ETS1: variants seen among roughly 807,000 people sequenced by gnomAD.
ETS1 encodes the protein protein C-ets-1.
ETS1 carries 15 observed loss-of-function variants against 58.6 expected under a neutral mutation model. That is an observed-to-expected ratio of 0.26 (90% CI 0.17 to 0.39). The LOEUF is 0.39. Ranked by LOEUF, ETS1 falls within the 10% of genes least tolerant of loss-of-function variation. The pLI is 1.00. For synonymous variants in ETS1, 214 were observed against 218.2 expected (o/e 0.98, Z 0.17); for missense variants, 417 against 610.5 (o/e 0.68, Z 3.34).
At position 128,459,547 on chromosome 11, in the gene ETS1, G is replaced by C. The variant is rs1441748368; in HGVS notation, c.*2814C>G. On this transcript the variant is annotated 3_prime_UTR_variant, in exon 10 of 10. Coordinates refer to ENST00000392668, the MANE Select transcript of ETS1 (RefSeq NM_001143820.2). ...AAAGCCAAAACCAACAAAGGTTAAG[G>C]CATCTCTGGGAAAATAAGGGTTTCA... is the stretch of plus-strand genomic sequence containing the variant. 1.3e-5 allele frequency: 2 copies of C among 152,792 alleles called. No homozygotes were observed. The allele number at this position is 152,792 out of a possible 1,614,324, so 9.5% of individuals were successfully genotyped here.
chr11:128,540,998 T>C (rs1040605865), intron 3 of ETS1, among the ~76,000 whole-genome samples: 5 of 152,234 alleles, frequency 3.3e-5, no homozygotes, highest in African/African-American at 1.2e-4. Flanking sequence ...TCGAGCTCTG[T>C]CCTCATTCTG....
intron 1 of ETS1, among the ~76,000 whole-genome samples, chr11:128,582,496 C>T (rs1195581724): frequency 1.3e-5 from 2 of 152,110 alleles, no homozygotes; most frequent in African/African-American, 4.8e-5. Context: ...ATTAGTAACA[C>T]TACTGTTTTA....
intron 2 of ETS1, among the ~76,000 whole-genome samples, chr11:128,562,251 A>T (rs1864416123): frequency 6.6e-6 from 1 of 152,202 alleles, no homozygotes; most frequent in Non-Finnish European, 1.5e-5. Flanking sequence ...TCTATTAAAA[A>T]TATAAAAATT....
chr11:128,537,706 T>C (rs759022095), intron 3 of ETS1, among the ~76,000 whole-genome samples: 2 of 152,184 alleles, frequency 1.3e-5, no homozygotes, highest in Non-Finnish European at 2.9e-5. Flanking sequence ...AATTGTGCTT[T>C]TTTTTTACCA....
intron 5 of ETS1, 71 bp from the exon 6 acceptor site, chr11:128,486,217 G>T: frequency 2.1e-6 from 2 of 940,710 alleles, no homozygotes; most frequent in Non-Finnish European, 3.4e-6. Context: ...AAGGATCTTG[G>T]ATGCAAAGAC....
chr11:128,480,238 T>C lies in ETS1; in HGVS notation c.1076A>G (p.Asn359Ser), dbSNP rs773626156. The C allele has an allele frequency of 8.1e-6, 13 of 1,613,976 alleles. No homozygotes were observed. The South Asian group carries it at 1.1e-4, about 14-fold the overall frequency. ...KDYVRDRADL[N>S]KDKPVIPAAA... ...AGCAGGAATGACAGGCTTGTCCTTA[T>C]TGAGGTCAGCACGGTCCCGCACATA... The change falls in exon 8 of 10, where the codon AAT (asparagine) becomes AGT (serine). Residue 359 changes from asparagine (N) to serine (S), a missense_variant. Transcript: ENST00000392668.
In ETS1 at chr11:128,484,909, T is replaced by C; in HGVS notation, c.776A>G (p.Gln259Arg). The stretch of plus-strand genomic sequence containing the variant: ...GTAGTCATTCTGCAAGGTGTCTGTC[T>C]GGAGAGGGTCTCGGAGAATGACCGA... ...YPSVILRDPL[Q>R]TDTLQNDYFA... The change falls in exon 7 of 10, where the codon CAG (glutamine) becomes CGG (arginine). Residue 259 changes from glutamine (Q) to arginine (R), a missense_variant. Transcript: ENST00000392668. 1 of 1,614,104 alleles carries C rather than the reference T, an allele frequency of 6.2e-7. No individual in the cohort carries two copies. Among genetic ancestry groups the C allele is most frequent in the African/African-American group, 1.3e-5 (1 of 75,034 alleles).
rs1864253630 is a variant in ETS1 at position 128,552,862 on chromosome 11, GA to G, written c.214+3428del. 3.3e-5 allele frequency among the ~76,000 whole-genome samples: 5 copies of G among 152,322 alleles called. No individual in the cohort carries two copies. In the South Asian group the frequency reaches 8.3e-4, roughly 25 times the overall value. On this transcript the variant is annotated intron_variant, in intron 3 of 9. Transcript: ENST00000392668. ...GTGTATCCAACAGGACTGTGGGTAG[GA>G]ACCAGTCATGACAGTTAATGACGGT...
intron 8 of ETS1, among the ~76,000 whole-genome samples, chr11:128,471,842 T>C (rs1190296186): frequency 1.3e-5 from 2 of 152,246 alleles, no homozygotes; most frequent in African/African-American, 4.8e-5. Context: ...TATAGTCTTT[T>C]CTCAGTAGGA....
At chr11:128,473,266 C>A (rs956272575) in intron 8 of ETS1, among the ~76,000 whole-genome samples, 1 of 152,128 alleles carries the variant, frequency 6.6e-6, no homozygotes, top group Non-Finnish European at 1.5e-5. Context: ...AAGTAAAATG[C>A]GTTGTTCCCT....
chr11:128,509,003 C>A (rs1333463312), intron 3 of ETS1, among the ~76,000 whole-genome samples: 1 of 152,134 alleles, frequency 6.6e-6, no homozygotes, highest in African/African-American at 2.4e-5. Context: ...TGATCAAAGC[C>A]AGGAGAAACC....
At chr11:128,509,681 G>C (rs1863341940) in intron 3 of ETS1, among the ~76,000 whole-genome samples, 1 of 149,974 alleles carries the variant, frequency 6.7e-6, no homozygotes, top group Non-Finnish European at 1.5e-5. Flanking sequence ...ACATCACACA[G>C]AAGAATGTGC....
chr11:128,480,733 G>A (rs1862463003), intron 7 of ETS1, among the ~76,000 whole-genome samples: 4 of 152,138 alleles, frequency 2.6e-5, no homozygotes, highest in African/African-American at 4.8e-5. Context: ...CACATCTGTC[G>A]GAGTAGCGTT....
At chr11:128,512,603 G>C (rs1047387616) in intron 3 of ETS1, among the ~76,000 whole-genome samples, 8 of 152,248 alleles carry the variant, frequency 5.3e-5, no homozygotes, top group Admixed American at 2.6e-4. Flanking sequence ...GTGGTTTCTT[G>C]TCCGGCTCCA....
intron 3 of ETS1, among the ~76,000 whole-genome samples, chr11:128,552,854 G>A (rs1864253531): frequency 6.6e-6 from 1 of 152,236 alleles, no homozygotes; most frequent in Admixed American, 6.5e-5. Context: ...CAACAGGACT[G>A]TGGGTAGGAA....
intron 3 of ETS1, among the ~76,000 whole-genome samples, chr11:128,538,459 C>A (rs942480680): frequency 1.3e-5 from 2 of 152,082 alleles, no homozygotes; most frequent in Non-Finnish European, 2.9e-5. Context: ...ACATAACATG[C>A]CCAAGGACCG....
At chr11:128,510,555 G>A (rs923137397) in intron 3 of ETS1, among the ~76,000 whole-genome samples, 11 of 152,206 alleles carry the variant, frequency 7.2e-5, no homozygotes, top group African/African-American at 2.7e-4. Context: ...CCAAGCCATA[G>A]TGCTGAACCC....
chr11:128,536,198 C>T (rs568231706), intron 3 of ETS1, among the ~76,000 whole-genome samples: 1 of 152,112 alleles, frequency 6.6e-6, no homozygotes, highest in Non-Finnish European at 1.5e-5. Context: ...TTGTCTCCTC[C>T]AGATGCAGCT....
intron 3 of ETS1, among the ~76,000 whole-genome samples, chr11:128,524,115 T>C (rs1025737167): frequency 1.3e-5 from 2 of 152,230 alleles, no homozygotes; most frequent in Non-Finnish European, 2.9e-5. Flanking sequence ...CTCCTTTCTC[T>C]CTTCCCCAGT....
Sources: allele counts gnomAD v4.1 joint callset (sites outside exome capture counted in the v4.1 genomes callset), GRCh38; gene constraint gnomAD v4.1.1; transcripts MANE v1.5; gene names NCBI Gene and HGNC (gene_info 2026-07-23, HGNC 2026-07-21).